CHD7: variants seen among roughly 807,000 people sequenced by gnomAD.
CHD7 encodes ATP-dependent chromatin remodeler CHD7.
Under a neutral mutation model 307.3 loss-of-function variants are expected in CHD7, and 24 were observed. The observed-to-expected ratio is 0.08, with a 90% CI of 0.06 to 0.11. CHD7 has a LOEUF of 0.11. Among genes scored for constraint, CHD7 ranks in the 10% least tolerant of loss-of-function variants. The pLI, the probability that CHD7 is intolerant of heterozygous loss-of-function variation, is 1.00. For missense variants in CHD7, 3,106 were observed against 3,727.1 expected (o/e 0.83, Z 4.34); for synonymous variants, 1,363 against 1,349.9 (o/e 1.01, Z -0.21).
intron 15 of CHD7, among the ~76,000 whole-genome samples, chr8:60,834,578 A>G (rs1469211394): frequency 6.6e-6 from 1 of 152,224 alleles, no homozygotes; most frequent in Non-Finnish European, 1.5e-5. Flanking sequence ...TTACTCTTGC[A>G]TTTATTTTCC....
chr8:60,865,209 G>A lies in CHD7; in HGVS notation c.8270G>A (p.Ser2757Asn), dbSNP rs1806183315. 1 of 1,610,744 alleles carries A rather than the reference G, an allele frequency of 6.2e-7. No homozygotes were observed. The highest frequency in any genetic ancestry group is 1.7e-5 in the Admixed American group (1 of 59,584). ...CTGTTTGCTGGAATGGACCTGACGAGCCTTCAGAATCTCCAGAATCTCCAG... is the reference window on the plus strand; with the variant it reads ...CTGTTTGCTGGAATGGACCTGACGAACCTTCAGAATCTCCAGAATCTCCAG... ...NSLFAGMDLT[S>N]LQNLQNLQSL... The change falls in exon 38 of 38, where the codon AGC (serine) becomes AAC (asparagine). Residue 2757 changes from serine (S) to asparagine (N), a missense_variant. Coordinates refer to ENST00000423902, the MANE Select transcript of CHD7 (RefSeq NM_017780.4). This position sits in a 1 kb window ranked among gnomAD's most constrained non-coding sequence, Gnocchi z 4.3.
chr8:60,755,276 G>A (rs1227442548), intron 2 of CHD7, among the ~76,000 whole-genome samples: 1 of 151,124 alleles, frequency 6.6e-6, no homozygotes, highest in Admixed American at 6.6e-5. Context: ...TTTCAAATAA[G>A]TAAGGAAGGT....
intron 19 of CHD7, among the ~76,000 whole-genome samples, chr8:60,841,054 G>A (rs1804949060): frequency 6.6e-6 from 1 of 152,200 alleles, no homozygotes; most frequent in African/African-American, 2.4e-5. Context: ...TGTGACTCTG[G>A]TTATGATTGT....
rs767478916 is a variant in CHD7 at position 60,856,723 on chromosome 8, A to C, written c.7443A>C (p.Gln2481His). Residue 2481 changes from glutamine (Q) to histidine (H), a missense_variant, in exon 34 of 38, where the codon CAA becomes CAC. Transcript: ENST00000423902. ...STPVSDAFKT[Q>H]MELLQAGLSR... ...CAGTGTCTGATGCCTTTAAGACTCA[A>C]ATGGAACTGCTCCAAGCAGGCCTTT... 1 of 1,614,038 alleles carries C rather than the reference A, an allele frequency of 6.2e-7. No homozygotes were observed. The highest frequency in any genetic ancestry group is 1.7e-5 in the Admixed American group (1 of 60,032).
At chr8:60,859,335 C>CT (rs1805857612) in intron 34 of CHD7, among the ~76,000 whole-genome samples, 1 of 152,172 alleles carries the variant, frequency 6.6e-6, no homozygotes, top group South Asian at 2.1e-4. Flanking sequence ...TGTCAGCACT[C>CT]TAACTGTGCT....
intron 15 of CHD7, among the ~76,000 whole-genome samples, chr8:60,831,711 T>C (rs959082366): frequency 2.6e-5 from 4 of 151,908 alleles, no homozygotes; most frequent in African/African-American, 9.7e-5. Context: ...TAAAGAAAGG[T>C]GGTGGCAGGC....
At chr8:60,826,573 C>T (rs962343290) in intron 13 of CHD7, among the ~76,000 whole-genome samples, 5 of 152,216 alleles carry the variant, frequency 3.3e-5, no homozygotes, top group Non-Finnish European at 7.3e-5. Context: ...GACTCAGTTG[C>T]GATGAAAATG....
At chr8:60,820,141 A>G (rs1803962027) in intron 9 of CHD7, 51 bp downstream of exon 9, 4 of 1,183,070 alleles carry the variant, frequency 3.4e-6, no homozygotes, top group Non-Finnish European at 5.0e-6. Flanking sequence ...CAACCCATAC[A>G]TGTTTATAGA....
At chr8:60,854,938 T>G (rs1433352440) in intron 32 of CHD7, among the ~76,000 whole-genome samples, 2 of 152,224 alleles carry the variant, frequency 1.3e-5, no homozygotes, top group African/African-American at 2.4e-5. Flanking sequence ...TGGAAGAGGG[T>G]GTACTGTTGA....
intron 26 of CHD7, 102 bp downstream of exon 26, chr8:60,850,724 T>C: frequency 8.0e-7 from 1 of 1,244,056 alleles, no homozygotes; most frequent in Non-Finnish European, 1.1e-6. Flanking sequence ...TTGTGTCTGA[T>C]TTGAAGTTCA....
rs1266086793 is a variant in CHD7 at position 60,865,650 on chromosome 8, A to G, written c.8711A>G (p.Tyr2904Cys). 6.2e-7 allele frequency: 1 copy of G among 1,609,272 alleles called. No homozygotes were observed. The highest frequency in any genetic ancestry group is 8.5e-7 in the Non-Finnish European group (1 of 1,176,598). Residue 2904 changes from tyrosine to cysteine, a missense_variant, in exon 38 of 38, where the codon TAC (tyrosine) becomes TGC (cysteine). By Grantham distance (194) the Tyr-to-Cys change is radical. Around this residue, in one of 10 missense-constraint regions of CHD7, gnomAD observed 351 missense variants for 366.2 expected, o/e 0.96. Coordinates refer to ENST00000423902, the MANE Select transcript of CHD7 (RefSeq NM_017780.4). The surrounding 1 kb of genome is among the most constrained non-coding windows in gnomAD (Gnocchi z 4.3). Reference protein sequence around the residue: ...LLSTMAPGLFYPSMFLPPGLG... With the variant: ...LLSTMAPGLFCPSMFLPPGLG... ...TCCACAATGGCCCCGGGCCTCTTCT[A>G]CCCATCCATGTTTCTACCTCCAGGA...
At chr8:60,822,837 T>C in intron 12 of CHD7, 91 bp downstream of exon 12, 1 of 1,260,886 alleles carries the variant, frequency 7.9e-7, no homozygotes, top group Non-Finnish European at 1.1e-6. Context: ...TGGGAAGGTC[T>C]AAATTTTGCC....
chr8:60,852,263 G>A lies in CHD7; in HGVS notation c.5894+16G>A, dbSNP rs1310111151. 6.2e-7 allele frequency: 1 copy of A among 1,605,730 alleles called. No individual in the cohort carries two copies. The highest frequency in any genetic ancestry group is 2.2e-5 in the East Asian group (1 of 44,792). ...AGCGGCAAAAGTGAGTTTCTTCAAGGTTTCCACTCAGCTCCCGGTACATGC... is the reference window on the plus strand; with the variant it reads ...AGCGGCAAAAGTGAGTTTCTTCAAGATTTCCACTCAGCTCCCGGTACATGC... On this transcript the variant is annotated intron_variant, in intron 29 of 37. Transcript: ENST00000423902.
chr8:60,817,902 CT>C (rs1803821463), intron 8 of CHD7, among the ~76,000 whole-genome samples: 2 of 152,124 alleles, frequency 1.3e-5, no homozygotes, highest in South Asian at 4.1e-4. Flanking sequence ...GCAATGGTAG[CT>C]TTCCCCCCAT....
chr8:60,779,724 TGGGCTC>T (rs1811113872), intron 2 of CHD7, among the ~76,000 whole-genome samples: 2 of 152,214 alleles, frequency 1.3e-5, no homozygotes. Context: ...GATGTGGGCC[TGGGCTC>T]GTCTGCCTGC....
At chr8:60,752,512 T>A (rs1212868294) in intron 2 of CHD7, among the ~76,000 whole-genome samples, 1 of 152,206 alleles carries the variant, frequency 6.6e-6, no homozygotes, top group Non-Finnish European at 1.5e-5. Context: ...AGGGTGCATA[T>A]CCTTTCTTGT....
At chr8:60,726,910 T>C (rs1216379156) in intron 1 of CHD7, among the ~76,000 whole-genome samples, 1 of 152,130 alleles carries the variant, frequency 6.6e-6, no homozygotes, top group East Asian at 1.9e-4. Flanking sequence ...TCAGAGAGAT[T>C]TCCTTAATTT....
intron 6 of CHD7, among the ~76,000 whole-genome samples, chr8:60,806,171 T>C (rs576230234): frequency 6.6e-6 from 1 of 152,142 alleles, no homozygotes; most frequent in Admixed American, 6.5e-5. Flanking sequence ...GACCATCCTG[T>C]CTAACACGGT....
In CHD7 at chr8:60,853,478, G is replaced by T; in HGVS notation, c.6753G>T (p.Ser2251=). The T allele has an allele frequency of 6.6e-7, 1 of 1,514,804 alleles. No homozygotes were observed. The highest frequency in any genetic ancestry group is 8.8e-7 in the Non-Finnish European group (1 of 1,133,880). The allele number at this position is 1,514,804 out of a possible 1,614,324, so 93.8% of individuals were successfully genotyped here. A position where few individuals can be genotyped will look rare whatever the true frequency, so the allele number is the denominator to read the frequency against. ...AAAAGCTGGAGGATGACGATAAGTC[G>T]GAAGAGTCTTCCCAGCCCGAAGGTA... ...EEEKLEDDDK[S]EESSQPEAGA... Residue 2251 remains serine (S), a synonymous_variant, in exon 31 of 38, where the codon TCG becomes TCT. Coordinates refer to ENST00000423902, the MANE Select transcript of CHD7 (RefSeq NM_017780.4).
Sources: allele counts gnomAD v4.1 joint callset (sites outside exome capture counted in the v4.1 genomes callset), GRCh38; gene constraint gnomAD v4.1.1; regional missense constraint gnomAD v4.1.1; non-coding constraint Gnocchi (gnomAD v3.1); transcripts MANE v1.5; gene names NCBI Gene and HGNC (gene_info 2026-07-23, HGNC 2026-07-21).